CAND1: variants seen among roughly 807,000 people sequenced by gnomAD.
The protein encoded by CAND1 is cullin associated and neddylation dissociated 1.
A neutral mutation model predicts 108.5 loss-of-function variants in CAND1; 7 were observed. The observed-to-expected ratio is 0.06, with a 90% CI of 0.04 to 0.12. CAND1 has a LOEUF of 0.12. Among genes scored for constraint, CAND1 ranks in the 10% least tolerant of loss-of-function variants. CAND1 has a pLI of 1.00. For synonymous variants in CAND1, 534 were observed against 512.0 expected (o/e 1.04, Z -0.58); for missense variants, 941 against 1,448.7 (o/e 0.65, Z 5.69).
At position 67,302,619 on chromosome 12, in the gene CAND1, G is replaced by T; in HGVS notation, c.1293+4G>T. 6.3e-7 allele frequency: 1 copy of T among 1,599,044 alleles called. No homozygotes were observed. The highest frequency in any genetic ancestry group is 8.6e-7 in the Non-Finnish European group (1 of 1,169,438). On this transcript the variant is annotated splice_donor_region_variant and intron_variant, in intron 8 of 14. Transcript: ENST00000545606. ...TTTAACAATGCTTCAGAGTCAGGTG[G>T]GTTTTAAAGTAAAGTTTAGAAAATC...
chr12:67,281,839 T>A (rs2044622861), intron 1 of CAND1, 71 bp from the exon 2 acceptor site: 1 of 1,122,940 alleles, frequency 8.9e-7, no homozygotes, highest in Non-Finnish European at 1.2e-6. Context: ...AGCAGTGGAT[T>A]TGAAAAATCA....
rs888529146 is a variant in CAND1 at position 67,269,471 on chromosome 12, T to G, written c.-247T>G. On this transcript the variant is annotated 5_prime_UTR_variant, in exon 1 of 15. Coordinates refer to ENST00000545606, the MANE Select transcript of CAND1 (RefSeq NM_018448.5). Reference sequence around the variant, plus strand: ...CGCCCCGCCGCCCATGAGCTCGTTCTCACGCGAACAGCGCCGTCGTTAGGC... The same window carrying G: ...CGCCCCGCCGCCCATGAGCTCGTTCGCACGCGAACAGCGCCGTCGTTAGGC... 5.9e-6 allele frequency: 3 copies of G among 509,828 alleles called. No homozygotes were observed. The African/African-American group carries it at 6.2e-5, about 11-fold the overall frequency. 31.6% of individuals were successfully genotyped at this position (509,828 alleles called of 1,614,324 possible).
At chr12:67,273,859 C>A (rs1416575118) in intron 1 of CAND1, among the ~76,000 whole-genome samples, 1 of 152,126 alleles carries the variant, frequency 6.6e-6, no homozygotes, top group African/African-American at 2.4e-5. Flanking sequence ...ATATCATTAT[C>A]TTTCTATATA....
At chr12:67,282,159 C>A in intron 2 of CAND1, 106 bp downstream of exon 2, 1 of 1,176,816 alleles carries the variant, frequency 8.5e-7, no homozygotes, top group Non-Finnish European at 1.2e-6. Flanking sequence ...CTATCTCTTT[C>A]TAGTGTGTGT....
chr12:67,282,812 C>T (rs1325720917), intron 2 of CAND1, among the ~76,000 whole-genome samples: 9 of 152,188 alleles, frequency 5.9e-5, no homozygotes, highest in Admixed American at 2.6e-4. Flanking sequence ...ACATATGATA[C>T]GATAGTTACA....
rs1218125882 is a variant in CAND1, at chr12:67,312,794, A to C, written c.3657A>C (p.Ser1219=). The change falls in exon 15 of 15, where the codon TCA becomes TCC. Residue 1219 remains serine (S), a synonymous_variant. Coordinates refer to ENST00000545606, the MANE Select transcript of CAND1 (RefSeq NM_018448.5). ...TCTTTGAAAGTATCCAGAAAGATTC[A>C]TCATCTACTAACTTGGAATCAATGG... The part of the protein sequence containing the change: ...AAIFESIQKD[S]SSTNLESMDT... 1.2e-6 allele frequency: 2 copies of C among 1,613,146 alleles called. No homozygotes were observed. The highest frequency in any genetic ancestry group is 3.3e-5 in the Admixed American group (2 of 59,888).
rs1446192712 is a variant in CAND1, at chr12:67,313,493, T to C, written c.*663T>C. 3.9e-5 allele frequency: 6 copies of C among 152,610 alleles called. No homozygotes were observed. Among genetic ancestry groups the C allele is most frequent in the African/African-American group, 1.4e-4 (6 of 41,464 alleles). 9.5% of individuals were successfully genotyped at this position (152,610 alleles called of 1,614,324 possible). A position where few individuals can be genotyped will look rare whatever the true frequency, so the allele number is the denominator to read the frequency against. ...TGCAGATTATTCATAATATAGAAGTTAAAATAAGTATTAGTGCAATTTTCA... is the reference window on the plus strand; with the variant it reads ...TGCAGATTATTCATAATATAGAAGTCAAAATAAGTATTAGTGCAATTTTCA... On this transcript the variant is annotated 3_prime_UTR_variant, in exon 15 of 15. Coordinates refer to ENST00000545606, the MANE Select transcript of CAND1 (RefSeq NM_018448.5).
intron 2 of CAND1, among the ~76,000 whole-genome samples, chr12:67,285,187 T>C (rs956122851): frequency 2.0e-5 from 3 of 152,176 alleles, no homozygotes; most frequent in African/African-American, 7.2e-5. Flanking sequence ...GACCTTGTAT[T>C]GCAGTGTTGT....
chr12:67,308,424 A>G (rs1248074822), intron 11 of CAND1, among the ~76,000 whole-genome samples: 1 of 152,078 alleles, frequency 6.6e-6, no homozygotes, highest in African/African-American at 2.4e-5. Context: ...TGATATGTTT[A>G]TTGAGGACAT....
rs755310484 is a variant in CAND1 at position 67,307,485 on chromosome 12, C to T, written c.3018C>T (p.Asn1006=). ...HPQPIDPLLK[N]CIGDFLKTLE... ...AACCTATTGATCCACTGTTAAAGAA[C>T]TGCATAGGTAAGTGGAAACAAAGAT... Residue 1006 remains asparagine (N), a synonymous_variant, in exon 11 of 15, where the codon AAC becomes AAT. Transcript: ENST00000545606. 4.8e-5 allele frequency: 77 copies of T among 1,601,610 alleles called. No homozygotes were observed. Among genetic ancestry groups the T allele is most frequent in the Middle Eastern group, 3.3e-4 (2 of 6,066 alleles).
At chr12:67,296,385 C>G (rs1317620961) in intron 4 of CAND1, among the ~76,000 whole-genome samples, 5 of 151,754 alleles carry the variant, frequency 3.3e-5, no homozygotes, top group Non-Finnish European at 7.4e-5. Flanking sequence ...TGAATCCCCC[C>G]CTAAAAAAGC....
At chr12:67,281,762 A>C in intron 1 of CAND1, 148 bp from the exon 2 acceptor site, 1 of 553,248 alleles carries the variant, frequency 1.8e-6, no homozygotes, top group Non-Finnish European at 3.1e-6. Context: ...GATTAAATTT[A>C]TGATCACTTT....
intron 2 of CAND1, among the ~76,000 whole-genome samples, chr12:67,288,318 G>A (rs749964468): frequency 4.6e-5 from 7 of 151,780 alleles, no homozygotes; most frequent in Non-Finnish European, 7.4e-5. Flanking sequence ...TGTAGAGACA[G>A]GGTTTCACCA....
rs928423421 is a variant in CAND1 at position 67,319,599 on chromosome 12, C to G, written c.*6769C>G. ...ACGTTGGTGCAGATACTGCTATTCC[C>G]CTCCTCCATACCATTGCTGATGGTT... On this transcript the variant is annotated 3_prime_UTR_variant, in exon 15 of 15. Coordinates refer to ENST00000545606, the MANE Select transcript of CAND1 (RefSeq NM_018448.5). 2.0e-4 allele frequency: 30 copies of G among 152,202 alleles called. No individual in the cohort carries two copies. The highest frequency in any genetic ancestry group is 6.0e-4 in the African/African-American group (25 of 41,440). The allele number at this position is 152,202 out of a possible 1,614,324, so 9.4% of individuals were successfully genotyped here. A position where few individuals can be genotyped will look rare whatever the true frequency, so the allele number is the denominator to read the frequency against.
At chr12:67,276,944 A>G (rs938821445) in intron 1 of CAND1, among the ~76,000 whole-genome samples, 3 of 152,182 alleles carry the variant, frequency 2.0e-5, no homozygotes, top group African/African-American at 7.2e-5. Flanking sequence ...TATCCATTCC[A>G]TGTAGTTTGC....
chr12:67,312,550 G>C, intron 14 of CAND1, 56 bp from the exon 15 acceptor site: 7 of 1,173,662 alleles, frequency 6.0e-6, no homozygotes, highest in Non-Finnish European at 8.4e-6. Context: ...CTTAAATTTT[G>C]TTCATGTAAG....
rs774942307 is a variant in CAND1, at chr12:67,295,171, T to G, written c.491+15T>G. The G allele has an allele frequency of 1.2e-6, 2 of 1,604,228 alleles. No homozygotes were observed. The highest frequency in any genetic ancestry group is 4.5e-5 in the East Asian group (2 of 44,554). ...ATGTTGAGCAGGTAAGTGTGCCTGT[T>G]TATTTCCGTTACTCGTAATACAGAT... On this transcript the variant is annotated intron_variant, in intron 4 of 14. Coordinates refer to ENST00000545606, the MANE Select transcript of CAND1 (RefSeq NM_018448.5).
intron 11 of CAND1, among the ~76,000 whole-genome samples, chr12:67,307,957 AG>A (rs545125795): frequency 1.3e-5 from 2 of 151,950 alleles, no homozygotes; most frequent in African/African-American, 2.4e-5. Context: ...TAAAAAATAA[AG>A]GGGGGGAGAG....
At chr12:67,290,165 C>T (rs12321396) in intron 2 of CAND1, among the ~76,000 whole-genome samples, 10,622 of 152,186 alleles carry the variant, frequency 0.07, 1,227 homozygotes, top group African/African-American at 0.24. Context: ...CTGTTCTTTA[C>T]AAGAACTTGT....
Sources: allele counts gnomAD v4.1 joint callset (sites outside exome capture counted in the v4.1 genomes callset), GRCh38; gene constraint gnomAD v4.1.1; transcripts MANE v1.5; gene names NCBI Gene and HGNC (gene_info 2026-07-23, HGNC 2026-07-21).